ARK2C: variants seen among roughly 807,000 people sequenced by gnomAD.
ARK2C encodes arkadia (RNF111) C-terminal like ring finger ubiquitin ligase 2C.
the ARK2C span, among the ~76,000 whole-genome samples, chr18:46,434,401 A>G: frequency 6.6e-6 from 1 of 152,220 alleles, no homozygotes; most frequent in Non-Finnish European, 1.5e-5. Flanking sequence ...TAACCACTAT[A>G]TATAAATTTA....
chr18:46,379,941 G>T, the ARK2C span, among the ~76,000 whole-genome samples: 2 of 152,210 alleles, frequency 1.3e-5, no homozygotes, highest in African/African-American at 2.4e-5. Context: ...GGCTCTGCTG[G>T]CTGGCTTCAT....
the ARK2C span, among the ~76,000 whole-genome samples, chr18:46,422,800 T>C: frequency 6.6e-6 from 1 of 152,332 alleles, no homozygotes; most frequent in Middle Eastern, 3.4e-3. Flanking sequence ...TTCTGAGCAG[T>C]TAGTGGGCCT....
the ARK2C span, among the ~76,000 whole-genome samples, chr18:46,359,571 G>A: frequency 6.6e-6 from 1 of 152,170 alleles, no homozygotes; most frequent in Non-Finnish European, 1.5e-5. Flanking sequence ...TAAGAACTGA[G>A]GCCTGAGAGC....
At chr18:46,393,524 G>A in the ARK2C span, among the ~76,000 whole-genome samples, 11 of 152,158 alleles carry the variant, frequency 7.2e-5, no homozygotes, top group Admixed American at 1.3e-4. Flanking sequence ...CTGTCTGGAC[G>A]CCCCCCGCCA....
At chr18:46,436,408 T>C in the ARK2C span, among the ~76,000 whole-genome samples, 39 of 152,292 alleles carry the variant, frequency 2.6e-4, no homozygotes, top group African/African-American at 8.4e-4. Context: ...AGGAATTCTT[T>C]ATGCTGTTCT....
chr18:46,358,487 G>A, the ARK2C span, among the ~76,000 whole-genome samples: 4 of 152,194 alleles, frequency 2.6e-5, no homozygotes, highest in Non-Finnish European at 5.9e-5. Context: ...AAGCGTACCC[G>A]AAAGGTAACC....
At chr18:46,455,931 G>C in the ARK2C span, 1 of 1,283,572 alleles carries the variant, frequency 7.8e-7, no homozygotes, top group South Asian at 1.2e-5. Flanking sequence ...CACCAGCTGA[G>C]TCTGCCCCAG....
chr18:46,403,647 G>A, the ARK2C span, among the ~76,000 whole-genome samples: 98 of 152,280 alleles, frequency 6.4e-4, no homozygotes, highest in Non-Finnish European at 5.0e-4. Context: ...GGAGGCCGAG[G>A]CGGGTGGATA....
chr18:46,355,877 A>T, the ARK2C span, among the ~76,000 whole-genome samples: 1 of 152,334 alleles, frequency 6.6e-6, no homozygotes, highest in Non-Finnish European at 1.5e-5. Flanking sequence ...CATGTTGGGT[A>T]TGTGACTGCC....
chr18:46,353,997 A>G, the ARK2C span, among the ~76,000 whole-genome samples: 1 of 152,116 alleles, frequency 6.6e-6, no homozygotes, highest in African/African-American at 2.4e-5. Flanking sequence ...CTTGGCCAAG[A>G]TCATTCAGCT....
At chr18:46,363,269 CT>C in the ARK2C span, among the ~76,000 whole-genome samples, 1 of 152,232 alleles carries the variant, frequency 6.6e-6, no homozygotes, top group Non-Finnish European at 1.5e-5. Flanking sequence ...ATGAGCAGCA[CT>C]CTTAATTCTT....
At chr18:46,351,811 G>A in the ARK2C span, among the ~76,000 whole-genome samples, 8 of 152,144 alleles carry the variant, frequency 5.3e-5, no homozygotes, top group Non-Finnish European at 7.3e-5. Flanking sequence ...CCACCGTGGC[G>A]GCAGGGCCTG....
chr18:46,386,098 G>C, the ARK2C span: 1 of 152,204 alleles, frequency 6.6e-6, no homozygotes, highest in Non-Finnish European at 1.5e-5. Context: ...GGCCTTAGAA[G>C]CAAATGCCAA....
the ARK2C span, among the ~76,000 whole-genome samples, chr18:46,383,720 A>AC: frequency 3.9e-4 from 60 of 152,110 alleles, no homozygotes; most frequent in African/African-American, 5.1e-4. Flanking sequence ...GCGCCCGGCT[A>AC]ATTTTTTGTA....
the ARK2C span, among the ~76,000 whole-genome samples, chr18:46,352,352 T>C: frequency 1.3e-5 from 2 of 152,326 alleles, no homozygotes; most frequent in Admixed American, 1.3e-4. Context: ...GTACACATCA[T>C]CCTGTCCCAA....
At chr18:46,456,113 T>G in the ARK2C span, 5 of 1,309,346 alleles carry the variant, frequency 3.8e-6, no homozygotes, top group Non-Finnish European at 5.5e-6. Flanking sequence ...CCCTCTCCCC[T>G]CTCTTATAGG....
chr18:46,456,891 A>T, the ARK2C span: 1 of 469,896 alleles, frequency 2.1e-6, no homozygotes, highest in Non-Finnish European at 3.9e-6. Context: ...TGCCCAGCGC[A>T]AGGGCGGGAA....
At chr18:46,431,817 T>C in the ARK2C span, among the ~76,000 whole-genome samples, 1 of 152,230 alleles carries the variant, frequency 6.6e-6, no homozygotes, top group Admixed American at 6.5e-5. Flanking sequence ...CCCTTTCTCC[T>C]GCCTTCCAAA....
At chr18:46,417,722 G>C in the ARK2C span, among the ~76,000 whole-genome samples, 6 of 152,160 alleles carry the variant, frequency 3.9e-5, no homozygotes, top group African/African-American at 1.4e-4. Flanking sequence ...ATAACATAAG[G>C]CCGGGAGCGG....
Sources: gnomAD v4.1 joint callset for allele counts (sites outside exome capture counted in the v4.1 genomes callset) on GRCh38, gnomAD v4.1.1 for gene constraint, MANE v1.5 for transcripts, NCBI Gene and HGNC (gene_info 2026-07-23, HGNC 2026-07-21) for gene names.